Variants in SIAE observed in about 807,000 individuals in gnomAD.
SIAE encodes the protein sialate O-acetylesterase.
A neutral mutation model predicts 52.6 loss-of-function variants in SIAE; 39 were observed. The ratio of observed to expected loss-of-function variants is 0.74; its 90% CI spans 0.57 to 0.97. SIAE has a LOEUF of 0.97. Ranked by LOEUF, SIAE falls within the 50% of genes least tolerant of loss-of-function variation. SIAE has a pLI of 0.00. For synonymous variants in SIAE, 233 were observed against 241.4 expected (o/e 0.97, Z 0.32); for missense variants, 592 against 662.1 (o/e 0.89, Z 1.16).
At chr11:124,671,934 T>C (rs1591398655) in intron 1 of SIAE, among the ~76,000 whole-genome samples, 1 of 134,498 alleles carries the variant, frequency 7.4e-6, no homozygotes, top group Admixed American at 7.0e-5. Flanking sequence ...GCTAATTCTT[T>C]TTTTTTTTTT....
In SIAE at chr11:124,636,092, A is replaced by C. The variant is rs1165090975; in HGVS notation, c.*859T>G. The C allele has an allele frequency of 1.3e-5, 2 of 152,190 alleles. No homozygotes were observed. The highest frequency in any genetic ancestry group is 4.8e-5 in the African/African-American group (2 of 41,436). The allele number at this position is 152,190 out of a possible 1,614,324, so 9.4% of individuals were successfully genotyped here. On this transcript the variant is annotated 3_prime_UTR_variant, in exon 10 of 10. Coordinates refer to ENST00000263593, the MANE Select transcript of SIAE (RefSeq NM_170601.5). ...GTTTGCCTCTGTTGCCCCTGTGTTC[A>C]TGTTTTCCTAAGCCAGAGTTTCCCA...
intron 2 of SIAE, among the ~76,000 whole-genome samples, chr11:124,665,341 C>T (rs931639792): frequency 2.0e-5 from 3 of 152,200 alleles, no homozygotes; most frequent in African/African-American, 7.2e-5. Context: ...CCTGGGTTGG[C>T]ATACATAATA....
At chr11:124,663,359 A>G (rs7946650) in intron 2 of SIAE, among the ~76,000 whole-genome samples, 20,016 of 152,002 alleles carry the variant, frequency 0.13, 3,313 homozygotes, top group African/African-American at 0.39. Flanking sequence ...GGCGGATCAC[A>G]AGGTCAAGAG....
intron 4 of SIAE, among the ~76,000 whole-genome samples, chr11:124,653,207 G>C (rs1943042096): frequency 6.6e-6 from 1 of 152,174 alleles, no homozygotes; most frequent in South Asian, 2.1e-4. Context: ...CCTTACACTA[G>C]ACTGTAAGCT....
rs371652271 is a variant in SIAE at position 124,647,323 on chromosome 11, C to G, written c.966+42G>C. 40 of 1,613,598 alleles carry G rather than the reference C, an allele frequency of 2.5e-5. 3 individuals carry two copies. In the African/African-American group the frequency reaches 4.0e-4, roughly 16 times the overall value. On this transcript the variant is annotated intron_variant, in intron 7 of 9. Transcript: ENST00000263593. ...AAACCTCTTCCTCTCAACACAGGAACAGGTGTTGACATGAACAGAGAAGCC... is the reference window on the plus strand; with the variant it reads ...AAACCTCTTCCTCTCAACACAGGAAGAGGTGTTGACATGAACAGAGAAGCC...
intron 7 of SIAE, among the ~76,000 whole-genome samples, chr11:124,642,691 C>G (rs1419246241): frequency 6.6e-6 from 1 of 152,104 alleles, no homozygotes; most frequent in Non-Finnish European, 1.5e-5. Context: ...TAGGCTATGG[C>G]AAAGGTAATG....
At chr11:124,637,754 AAAG>A (rs1287503818) in intron 9 of SIAE, among the ~76,000 whole-genome samples, 9 of 152,354 alleles carry the variant, frequency 5.9e-5, no homozygotes, top group African/African-American at 2.2e-4. Flanking sequence ...CCCAGTGTGG[AAAG>A]AAGCTAAGTG....
intron 9 of SIAE, 59 bp from the exon 10 acceptor site, chr11:124,637,261 G>A (rs1355516869): frequency 1.2e-6 from 2 of 1,608,834 alleles, no homozygotes; most frequent in East Asian, 2.2e-5. Flanking sequence ...CAAGAAACTG[G>A]GCACTGCTCT....
chr11:124,646,388 A>T (rs1942935307), intron 7 of SIAE, among the ~76,000 whole-genome samples: 1 of 152,228 alleles, frequency 6.6e-6, no homozygotes, highest in African/African-American at 2.4e-5. Flanking sequence ...AAGGGGAAGT[A>T]GAGAGAAAGG....
In SIAE at chr11:124,649,816, A is replaced by G; in HGVS notation, c.545-20T>C. 6.2e-7 allele frequency: 1 copy of G among 1,613,864 alleles called. No homozygotes were observed. Among genetic ancestry groups the G allele is most frequent in the Non-Finnish European group, 8.5e-7 (1 of 1,179,850 alleles). ...AGTTTTCTGTTCAGAGAAATGGTTA[A>G]AGAAAAAGAGCCAGAGAAAGGTTGA... On this transcript the variant is annotated intron_variant, in intron 4 of 9. Transcript: ENST00000263593.
chr11:124,661,121 A>C (rs1218736048), intron 2 of SIAE, among the ~76,000 whole-genome samples: 4 of 152,216 alleles, frequency 2.6e-5, no homozygotes, highest in Non-Finnish European at 5.9e-5. Context: ...ATAAAAGAGA[A>C]ATTCTTATTA....
chr11:124,652,715 G>A (rs1943035172), intron 4 of SIAE, among the ~76,000 whole-genome samples: 1 of 151,302 alleles, frequency 6.6e-6, no homozygotes, highest in Admixed American at 6.6e-5. Context: ...AAAAAAAGGG[G>A]GAAGAGCACA....
chr11:124,662,370 C>T (rs1323155234), intron 2 of SIAE, among the ~76,000 whole-genome samples: 4 of 152,206 alleles, frequency 2.6e-5, no homozygotes, highest in Admixed American at 2.6e-4. Context: ...AGGCTTCCTG[C>T]ACTGACACAT....
Position 124,654,646 on chromosome 11 carries a change from G to T in SIAE, c.544+9C>A. 1 of 1,614,056 alleles carries T rather than the reference G, an allele frequency of 6.2e-7. No individual in the cohort carries two copies. ...ATATAAGAGACAGCACGTTCAAGCCGTCACATACCTGAGGTGGGCTTAGAC... is the reference window on the plus strand; with the variant it reads ...ATATAAGAGACAGCACGTTCAAGCCTTCACATACCTGAGGTGGGCTTAGAC... On this transcript the variant is annotated intron_variant, in intron 4 of 9. Transcript: ENST00000263593.
chr11:124,651,168 G>C (rs1404967001), intron 4 of SIAE, among the ~76,000 whole-genome samples: 1 of 152,166 alleles, frequency 6.6e-6, no homozygotes, highest in East Asian at 1.9e-4. Context: ...CCATGTATCA[G>C]GAACTACTAG....
intron 3 of SIAE, among the ~76,000 whole-genome samples, chr11:124,657,633 CAT>C (rs1394369169): frequency 6.6e-6 from 1 of 152,218 alleles, no homozygotes; most frequent in Non-Finnish European, 1.5e-5. Flanking sequence ...GGATCCAAAA[CAT>C]TGACTGGAAA....
chr11:124,658,160 G>A (rs958627218), intron 3 of SIAE, among the ~76,000 whole-genome samples: 1 of 151,986 alleles, frequency 6.6e-6, no homozygotes, highest in African/African-American at 2.4e-5. Flanking sequence ...ATGAAGACAC[G>A]TCAAGAATCT....
At chr11:124,644,474 ACT>A (rs1029109741) in intron 7 of SIAE, among the ~76,000 whole-genome samples, 10 of 152,074 alleles carry the variant, frequency 6.6e-5, no homozygotes, top group African/African-American at 2.4e-4. Flanking sequence ...GCAGCAATTC[ACT>A]TTTTCATTGA....
At chr11:124,658,750 A>C (rs542631512) in intron 3 of SIAE, 1 of 152,258 alleles carries the variant, frequency 6.6e-6, no homozygotes, top group South Asian at 2.1e-4. Context: ...TTACCTCCTC[A>C]GAGAAGTCAC....
Sources: gnomAD v4.1 joint callset for allele counts (sites outside exome capture counted in the v4.1 genomes callset) on GRCh38, gnomAD v4.1.1 for gene constraint, MANE v1.5 for transcripts, NCBI Gene and HGNC (gene_info 2026-07-23, HGNC 2026-07-21) for gene names.